Variants in KIAA0825 observed in about 807,000 individuals in gnomAD.
The protein encoded by KIAA0825 is uncharacterized protein KIAA0825.
In KIAA0825, 119 loss-of-function variants were observed where a neutral mutation model predicts 147.6. That is an observed-to-expected ratio of 0.81 (90% CI 0.69 to 0.94). The LOEUF (loss-of-function observed/expected upper bound fraction) is 0.94, where lower values mean the gene tolerates loss of function less well. Ranked by LOEUF, KIAA0825 falls within the 40% of genes least tolerant of loss-of-function variation. The pLI, the probability that KIAA0825 is intolerant of heterozygous loss-of-function variation, is 0.00. For synonymous variants in KIAA0825, 470 were observed against 518.1 expected (o/e 0.91, Z 1.26); for missense variants, 1,381 against 1,472.7 (o/e 0.94, Z 1.02).
At chr5:94,385,816 T>C (rs1316522394) in intron 19 of KIAA0825, among the ~76,000 whole-genome samples, 1 of 152,200 alleles carries the variant, frequency 6.6e-6, no homozygotes, top group Non-Finnish European at 1.5e-5. Flanking sequence ...AAGTAGGAGC[T>C]CAGTGCTCTA....
intron 20 of KIAA0825, among the ~76,000 whole-genome samples, chr5:94,155,400 G>A (rs949413636): frequency 3.3e-5 from 5 of 151,044 alleles, no homozygotes; most frequent in African/African-American, 9.7e-5. Context: ...TTAATTTTTT[G>A]TAGAGACAGG....
intron 20 of KIAA0825, among the ~76,000 whole-genome samples, chr5:94,218,246 C>T (rs1773373614): frequency 1.3e-5 from 2 of 152,264 alleles, no homozygotes; most frequent in South Asian, 4.1e-4. Flanking sequence ...GTTTCCCGAG[C>T]TCAAATGCTG....
intron 15 of KIAA0825, among the ~76,000 whole-genome samples, chr5:94,405,443 A>G: frequency 6.6e-6 from 1 of 152,220 alleles, no homozygotes. Context: ...GGTTTAAATA[A>G]TTATTCTATT....
intron 2 of KIAA0825, among the ~76,000 whole-genome samples, chr5:94,546,479 C>CT (rs1402992747): frequency 6.6e-6 from 1 of 151,644 alleles, no homozygotes; most frequent in Non-Finnish European, 1.5e-5. Context: ...CACAGGGGTG[C>CT]TTATATTACC....
intron 1 of KIAA0825, among the ~76,000 whole-genome samples, chr5:94,583,912 C>A (rs1355803843): frequency 1.3e-5 from 2 of 152,148 alleles, no homozygotes; most frequent in Non-Finnish European, 2.9e-5. Context: ...GGACCTCCAG[C>A]AAACTCCAAC....
intron 14 of KIAA0825, among the ~76,000 whole-genome samples, chr5:94,438,216 C>A (rs1756624223): frequency 6.6e-6 from 1 of 152,138 alleles, no homozygotes; most frequent in Non-Finnish European, 1.5e-5. Flanking sequence ...ATATGTGTAT[C>A]TCTGGGTAAG....
chr5:94,375,937 G>A (rs1312726456), intron 20 of KIAA0825, among the ~76,000 whole-genome samples: 1 of 152,132 alleles, frequency 6.6e-6, no homozygotes, highest in Non-Finnish European at 1.5e-5. Context: ...TGTTGAATGA[G>A]GAAAGTAAGC....
intron 12 of KIAA0825, among the ~76,000 whole-genome samples, chr5:94,455,709 GAGA>G: frequency 6.6e-6 from 1 of 152,198 alleles, no homozygotes; most frequent in East Asian, 1.9e-4. Flanking sequence ...GGTGAGTGGA[GAGA>G]AGAATAATTA....
In KIAA0825 at chr5:94,484,844, TA is replaced by T; in HGVS notation, c.1056del (p.Phe352LeufsTer2). 1 of 1,537,464 alleles carries T rather than the reference TA, an allele frequency of 6.5e-7. No homozygotes were observed. Among genetic ancestry groups the T allele is most frequent in the South Asian group, 1.2e-5 (1 of 82,330 alleles). On this transcript the variant is annotated frameshift_variant, in exon 6 of 21. Transcript: ENST00000682413. LOFTEE classifies it high-confidence loss of function. The stretch of plus-strand genomic sequence containing the variant: ...TCTTGAACACCTTTTTCCAGTTTCA[TA>T]AAGGATTTTATGAGCTGCGATAAGA... ...VEFLSQLIKS[F>X]MKLEKGVQEL... is the part of the protein sequence containing the mutation.
chr5:94,422,403 C>T (rs1194873638), intron 14 of KIAA0825, among the ~76,000 whole-genome samples: 2 of 152,196 alleles, frequency 1.3e-5, no homozygotes, highest in Non-Finnish European at 1.5e-5. Flanking sequence ...TTCTGCCCCA[C>T]TGTTCACTGT....
intron 2 of KIAA0825, chr5:94,569,202 G>T: frequency 4.6e-6 from 1 of 216,104 alleles, no homozygotes; most frequent in South Asian, 1.7e-4. Context: ...CACTTACCAA[G>T]ACCTCAATCC....
At chr5:94,260,831 AAAC>A (rs1776455588) in intron 20 of KIAA0825, among the ~76,000 whole-genome samples, 1 of 152,146 alleles carries the variant, frequency 6.6e-6, no homozygotes. Flanking sequence ...TTGCAAAGGA[AAAC>A]AACAGCAAGA....
At chr5:94,314,801 C>T (rs2150219689) in intron 20 of KIAA0825, among the ~76,000 whole-genome samples, 1 of 151,598 alleles carries the variant, frequency 6.6e-6, no homozygotes, top group African/African-American at 2.4e-5. Context: ...TAAATTCCTC[C>T]CCCAAAAGGC....
chr5:94,576,337 G>A (rs913997579), intron 2 of KIAA0825, among the ~76,000 whole-genome samples: 2 of 152,196 alleles, frequency 1.3e-5, no homozygotes, highest in African/African-American at 4.8e-5. Context: ...ATTGAGAGGT[G>A]AGGCCTTTAA....
rs558660616 is a variant in KIAA0825, at chr5:94,555,782, T to A, written c.-1-18655A>T. Among the ~76,000 whole-genome samples, 6 of 152,312 alleles carry A rather than the reference T, an allele frequency of 3.9e-5. No homozygotes were observed. In the East Asian group the frequency reaches 1.2e-3, roughly 29 times the overall value. ...AGGTGAAACCAAGATAATATAAATT[T>A]TAATGTTAGCATTCCTTTATAACTG... On this transcript the variant is annotated intron_variant, in intron 2 of 20. Transcript: ENST00000682413.
intron 20 of KIAA0825, among the ~76,000 whole-genome samples, chr5:94,200,949 A>ATATATATATG (rs1771614691): frequency 5.6e-5 from 1 of 17,790 alleles, no homozygotes; most frequent in Admixed American, 6.3e-4. Flanking sequence ...ATTTAAACAT[A>ATATATATATG]TATATATATA....
chr5:94,291,453 T>G (rs1777889050), intron 20 of KIAA0825, among the ~76,000 whole-genome samples: 1 of 152,192 alleles, frequency 6.6e-6, no homozygotes, highest in Admixed American at 6.5e-5. Context: ...TGAGGCTCTG[T>G]TCTGTTCCAT....
intron 1 of KIAA0825, chr5:94,592,768 A>C (rs1465269006): frequency 2.8e-6 from 1 of 360,872 alleles, no homozygotes; most frequent in African/African-American, 2.1e-5. Context: ...TTGTGATGTA[A>C]ATCAAAAAAC....
At position 94,386,226 on chromosome 5, in the gene KIAA0825, A is replaced by G. The variant is rs1282100141; in HGVS notation, c.3619+16T>C. On this transcript the variant is annotated intron_variant, in intron 19 of 20. Coordinates refer to ENST00000682413, the MANE Select transcript of KIAA0825 (RefSeq NM_001145678.3). ...GAAACCACACATTTAAATTAAATTT[A>G]CCATTTAATTTCCACATACCTGATC... The G allele has an allele frequency of 1.3e-6, 2 of 1,525,936 alleles. No homozygotes were observed. The highest frequency in any genetic ancestry group is 1.8e-6 in the Non-Finnish European group (2 of 1,135,338). The allele number at this position is 1,525,936 out of a possible 1,614,324, so 94.5% of individuals were successfully genotyped here. A position where few individuals can be genotyped will look rare whatever the true frequency, so the allele number is the denominator to read the frequency against.
Sources: allele counts gnomAD v4.1 joint callset (sites outside exome capture counted in the v4.1 genomes callset), GRCh38; gene constraint gnomAD v4.1.1; transcripts MANE v1.5; gene names NCBI Gene and HGNC (gene_info 2026-07-23, HGNC 2026-07-21).